TSG101: variants seen among roughly 807,000 people sequenced by gnomAD.
The protein encoded by TSG101 is tumor susceptibility gene 101 protein.
TSG101 carries 19 observed loss-of-function variants against 48.5 expected under a neutral mutation model. That is an observed-to-expected ratio of 0.39 (90% CI 0.27 to 0.58). The LOEUF is 0.58. TSG101 is among the 20% of genes least tolerant of loss of function. The pLI is 0.55. For missense variants in TSG101, 365 were observed against 484.4 expected (o/e 0.75, Z 2.31); for synonymous variants, 174 against 169.4 (o/e 1.03, Z -0.21).
rs1228635553 is a variant in TSG101 at position 18,483,882 on chromosome 11, T to C, written c.831A>G (p.Leu277=). The part of the protein sequence containing the change: ...HQKLEEMVTR[L]DQEVAEVDKN... ...ATGAGTCACTTACTACTTCTTGATC[T>C]AAACGGGTAACCATCTCTTCCAGTT... The change falls in exon 8 of 10, where the codon TTA becomes TTG. Residue 277 remains leucine, a synonymous_variant. Transcript: ENST00000251968. 1 of 1,614,162 alleles carries C rather than the reference T, an allele frequency of 6.2e-7. No homozygotes were observed.
intron 6 of TSG101, among the ~76,000 whole-genome samples, chr11:18,503,474 G>A (rs935414363): frequency 2.7e-5 from 4 of 149,828 alleles, no homozygotes; most frequent in South Asian, 2.1e-4. Context: ...CTGGGTTCAC[G>A]CCATTCTCCT....
At chr11:18,519,856 C>T (rs1225759215) in intron 1 of TSG101, among the ~76,000 whole-genome samples, 3 of 152,084 alleles carry the variant, frequency 2.0e-5, no homozygotes, top group Admixed American at 2.0e-4. Flanking sequence ...CCACACATTG[C>T]ATTGGTTAAA....
Position 18,481,631 on chromosome 11 carries a change from T to C in TSG101, c.1082A>G (p.Lys361Arg). The C allele has an allele frequency of 1.2e-6, 2 of 1,610,452 alleles. No individual in the cohort carries two copies. Among genetic ancestry groups the C allele is most frequent in the African/African-American group, 1.3e-5 (1 of 74,792 alleles). ...RGVIDLDVFL[K>R]HVRLLSRKQF... ...TTGGAACGTAAAATGAAGAAATACC[T>C]TCAGGAAGACATCCAGGTCTATCAC... The change falls in exon 9 of 10, where the codon AAG (lysine) becomes AGG (arginine). Residue 361 changes from lysine to arginine, a missense_variant and splice_region_variant. Transcript: ENST00000251968.
chr11:18,515,269 G>T (rs1486839097), intron 3 of TSG101, among the ~76,000 whole-genome samples: 1 of 152,108 alleles, frequency 6.6e-6, no homozygotes, highest in Non-Finnish European at 1.5e-5. Flanking sequence ...CCTATTAGTG[G>T]AGTTCTTCCA....
intron 7 of TSG101, among the ~76,000 whole-genome samples, chr11:18,494,706 G>T (rs1188557897): frequency 6.6e-6 from 1 of 152,212 alleles, no homozygotes; most frequent in Admixed American, 6.5e-5. Flanking sequence ...TCTGTGAAAG[G>T]TGTGGGGAAG....
chr11:18,505,096 C>CAT (rs1008909511), intron 6 of TSG101, among the ~76,000 whole-genome samples: 14 of 151,990 alleles, frequency 9.2e-5, no homozygotes, highest in Admixed American at 4.6e-4. Context: ...TATATATGTA[C>CAT]ATATATATAT....
At chr11:18,522,340 C>T (rs752533478) in intron 1 of TSG101, among the ~76,000 whole-genome samples, 1 of 152,208 alleles carries the variant, frequency 6.6e-6, no homozygotes, top group South Asian at 2.1e-4. Flanking sequence ...CCCAAATTTA[C>T]TTCTCCAGTG....
At chr11:18,495,627 G>T (rs1231751177) in intron 7 of TSG101, among the ~76,000 whole-genome samples, 2 of 149,382 alleles carry the variant, frequency 1.3e-5, no homozygotes, top group Non-Finnish European at 3.0e-5. Context: ...ACAGGAAAAA[G>T]AATCTTTGTG....
At chr11:18,491,052 G>A (rs767572469) in intron 7 of TSG101, 17 of 176,884 alleles carry the variant, frequency 9.6e-5, no homozygotes, top group Non-Finnish European at 1.9e-4. Context: ...TCTGGCAGCG[G>A]TGGCGGTGCC....
At chr11:18,514,649 C>A in intron 4 of TSG101, 29 bp downstream of exon 4, 1 of 1,496,230 alleles carries the variant, frequency 6.7e-7, no homozygotes, top group Non-Finnish European at 8.8e-7. Flanking sequence ...TAAAACATAA[C>A]TAATTCACAG....
At chr11:18,511,940 A>C (rs1850090530) in intron 4 of TSG101, among the ~76,000 whole-genome samples, 1 of 151,584 alleles carries the variant, frequency 6.6e-6, no homozygotes, top group Non-Finnish European at 1.5e-5. Flanking sequence ...ATGTTTTCAG[A>C]ATTCATTAAT....
At chr11:18,513,247 C>T (rs1004751728) in intron 4 of TSG101, among the ~76,000 whole-genome samples, 4 of 151,956 alleles carry the variant, frequency 2.6e-5, no homozygotes, top group Admixed American at 2.6e-4. Flanking sequence ...ATCTTTGAAG[C>T]TCAGGAATTC....
At chr11:18,511,922 TTGGCATAA>T (rs1489129227) in intron 4 of TSG101, among the ~76,000 whole-genome samples, 3 of 152,184 alleles carry the variant, frequency 2.0e-5, no homozygotes, top group Non-Finnish European at 4.4e-5. Flanking sequence ...CTTCTTTCAC[TTGGCATAA>T]TGTTTTCAGA....
At position 18,481,887 on chromosome 11, in the gene TSG101, C is replaced by A. The variant is rs752473271; in HGVS notation, c.844-18G>T. ...ACCTCGGCCTGAAAACAGAACAGTC[C>A]AAGCATTAATAACTGTACATAATTA... On this transcript the variant is annotated intron_variant, in intron 8 of 9. Transcript: ENST00000251968. 4.3e-6 allele frequency: 7 copies of A among 1,610,370 alleles called. No homozygotes were observed.
chr11:18,512,932 T>C (rs1421697114), intron 4 of TSG101, among the ~76,000 whole-genome samples: 1 of 151,906 alleles, frequency 6.6e-6, no homozygotes, highest in Non-Finnish European at 1.5e-5. Context: ...TTCACCATGT[T>C]GGCCAGGCTC....
chr11:18,502,421 G>C, intron 7 of TSG101, 65 bp downstream of exon 7: 1 of 1,321,112 alleles, frequency 7.6e-7, no homozygotes, highest in Non-Finnish European at 1.1e-6. Flanking sequence ...AGTGAAATGT[G>C]CTTTTCACAA....
intron 6 of TSG101, among the ~76,000 whole-genome samples, chr11:18,505,370 C>A (rs900530308): frequency 6.6e-6 from 1 of 151,986 alleles, no homozygotes; most frequent in African/African-American, 2.4e-5. Context: ...ATCCTTCCAC[C>A]TCACCCTCCC....
chr11:18,504,461 A>G (rs972039874), intron 6 of TSG101, among the ~76,000 whole-genome samples: 3 of 152,246 alleles, frequency 2.0e-5, no homozygotes, highest in African/African-American at 7.2e-5. Context: ...TTCCTAGTGG[A>G]CACATGCTGG....
At chr11:18,510,537 A>G (rs1164500438) in intron 4 of TSG101, among the ~76,000 whole-genome samples, 1 of 151,576 alleles carries the variant, frequency 6.6e-6, no homozygotes, top group Non-Finnish European at 1.5e-5. Flanking sequence ...AGAGATTCCT[A>G]TTTTTTCATA....
Sources: gnomAD v4.1 joint callset for allele counts (sites outside exome capture counted in the v4.1 genomes callset) on GRCh38, gnomAD v4.1.1 for gene constraint, MANE v1.5 for transcripts, NCBI Gene and HGNC (gene_info 2026-07-23, HGNC 2026-07-21) for gene names.